KIAA1217: variants seen among roughly 807,000 people sequenced by gnomAD.
KIAA1217 encodes sickle tail protein homolog.
KIAA1217 carries 88 observed loss-of-function variants against 163.9 expected under a neutral mutation model. That is an observed-to-expected ratio of 0.54 (90% CI 0.45 to 0.64). The LOEUF (loss-of-function observed/expected upper bound fraction) is 0.64. KIAA1217 is among the 30% of genes least tolerant of loss of function. The pLI is 0.00. For missense variants in KIAA1217, 2,372 were observed against 2,475.0 expected, an observed-to-expected ratio of 0.96 and a Z score of 0.88; for synonymous variants, 903 against 923.1, an observed-to-expected ratio of 0.98 and a Z score of 0.39.
chr10:23,911,766 G>C (rs149994023), intron 1 of KIAA1217, among the ~76,000 whole-genome samples: 60 of 152,204 alleles, frequency 3.9e-4, no homozygotes, highest in African/African-American at 1.4e-3. Context: ...TAAGATGGCC[G>C]AGGACATGTG....
chr10:23,743,822 A>G (rs965794192), intron 1 of KIAA1217, among the ~76,000 whole-genome samples: 15 of 152,198 alleles, frequency 9.9e-5, no homozygotes, highest in Non-Finnish European at 4.4e-5. Context: ...CTAGTTTTCC[A>G]AAACAACTTT....
At chr10:24,058,737 C>T (rs906995627) in intron 2 of KIAA1217, among the ~76,000 whole-genome samples, 1 of 152,038 alleles carries the variant, frequency 6.6e-6, no homozygotes. Context: ...TGATTTTATA[C>T]CCTGCAGCTT....
intron 2 of KIAA1217, among the ~76,000 whole-genome samples, chr10:24,065,831 T>C (rs1054683080): frequency 2.6e-5 from 4 of 152,238 alleles, no homozygotes; most frequent in Non-Finnish European, 2.9e-5. Flanking sequence ...TGCTCCTGTA[T>C]TGGGTGCATA....
chr10:23,969,182 G>A (rs543570252), intron 1 of KIAA1217, among the ~76,000 whole-genome samples: 5 of 152,168 alleles, frequency 3.3e-5, no homozygotes, highest in South Asian at 2.1e-4. Context: ...TTACAGGCAC[G>A]CGCCACTATG....
At chr10:24,164,225 C>T (rs79235381) in intron 2 of KIAA1217, among the ~76,000 whole-genome samples, 94 of 152,250 alleles carry the variant, frequency 6.2e-4, no homozygotes, top group African/African-American at 2.1e-3. Flanking sequence ...ATTACTTGAA[C>T]GAGATGAACA....
intron 2 of KIAA1217, among the ~76,000 whole-genome samples, chr10:24,280,280 G>A (rs998264394): frequency 2.9e-4 from 44 of 152,182 alleles, no homozygotes; most frequent in African/African-American, 8.2e-4. Context: ...ATAGGGGTCC[G>A]TATTTTAAGG....
chr10:24,207,282 T>TCTCTCTCACACACA (rs529791287), upstream of KIAA1217, among the ~76,000 whole-genome samples: 143 of 140,234 alleles, frequency 1.0e-3, 1 homozygote, highest in African/African-American at 4.0e-3. Context: ...TCTCTCTCTC[T>TCTCTCTCACACACA]CACACACACA....
chr10:23,863,731 C>A (rs1478327680), intron 1 of KIAA1217, among the ~76,000 whole-genome samples: 1 of 152,106 alleles, frequency 6.6e-6, no homozygotes, highest in Non-Finnish European at 1.5e-5. Context: ...TCAGAGCCAC[C>A]CTTGATATTG....
intron 2 of KIAA1217, among the ~76,000 whole-genome samples, chr10:24,155,864 A>T (rs997245386): frequency 5.3e-5 from 8 of 151,992 alleles, no homozygotes; most frequent in African/African-American, 1.7e-4. Context: ...GTCTCTGGGG[A>T]TCATTTGGGC....
chr10:24,238,192 C>T (rs2072550952), intron 2 of KIAA1217, among the ~76,000 whole-genome samples: 1 of 152,234 alleles, frequency 6.6e-6, no homozygotes, highest in Non-Finnish European at 1.5e-5. Context: ...TTGCTCGCGG[C>T]TGCCTCCTCA....
chr10:23,877,853 G>T (rs16924015), intron 1 of KIAA1217, among the ~76,000 whole-genome samples: 10,473 of 151,986 alleles, frequency 0.069, 1,181 homozygotes, highest in African/African-American at 0.24. Context: ...TGATGCCAAC[G>T]TTCGTGACAG....
In KIAA1217 at chr10:24,545,066, A is replaced by T. The variant is rs2075579719; in HGVS notation, c.5297A>T (p.Lys1766Met). The change falls in exon 20 of 21, where the codon AAG becomes ATG. Residue 1766 changes from lysine to methionine, a missense_variant. Lys to Met is a moderately conservative substitution (Grantham distance 95). Around this residue, in one of 3 missense-constraint regions of KIAA1217, gnomAD observed 690 missense variants for 677.5 expected, o/e 1.02. Transcript: ENST00000376454. ...NRPGTLDKPGKQSKLQDPRQY... is the reference protein window; with the variant it reads ...NRPGTLDKPGMQSKLQDPRQY... ...CCCGGAACCCTGGACAAACCCGGCAAGCAGTCCAAACTGCAGGATCCCCGC... is the reference window on the plus strand; with the variant it reads ...CCCGGAACCCTGGACAAACCCGGCATGCAGTCCAAACTGCAGGATCCCCGC... The T allele has an allele frequency of 6.2e-7, 1 of 1,614,052 alleles. No individual in the cohort carries two copies. The highest frequency in any genetic ancestry group is 8.5e-7 in the Non-Finnish European group (1 of 1,180,026).
rs11298641 is a variant in KIAA1217, at chr10:24,412,178, C to CA, written c.554-20805dup. ...GAGAATATCACAAAAATGTTTGGTC[C>CA]AAAAAAAAAAAAGAGAAGAAATCTG... is the stretch of plus-strand genomic sequence containing the variant. On this transcript the variant is annotated intron_variant, in intron 3 of 20. Coordinates refer to ENST00000376454, the MANE Select transcript of KIAA1217 (RefSeq NM_019590.5). Among the ~76,000 whole-genome samples the CA allele has an allele frequency of 1.2e-3, 172 of 144,152 alleles. 1 individual carries two copies. The highest frequency in any genetic ancestry group is 6.6e-3 in the South Asian group (30 of 4,522). 94.6% of individuals were successfully genotyped at this position (144,152 alleles called of 152,430 possible).
At chr10:23,952,236 C>A (rs1002468600) in intron 1 of KIAA1217, among the ~76,000 whole-genome samples, 1 of 152,182 alleles carries the variant, frequency 6.6e-6, no homozygotes, top group Non-Finnish European at 1.5e-5. Flanking sequence ...CTTCGGGAGA[C>A]TTCATTTATC....
At chr10:24,534,789 G>A (rs150812914) in intron 16 of KIAA1217, among the ~76,000 whole-genome samples, 159 of 148,850 alleles carry the variant, frequency 1.1e-3, no homozygotes, top group African/African-American at 3.6e-3. Flanking sequence ...GCTGAGACAG[G>A]AAAATCACTT....
chr10:23,998,577 T>C (rs1472082193), intron 1 of KIAA1217, among the ~76,000 whole-genome samples: 3 of 152,274 alleles, frequency 2.0e-5, no homozygotes, highest in Admixed American at 1.3e-4. Flanking sequence ...ATAAATCTTT[T>C]GGTGTTTTCT....
At chr10:24,019,189 G>A (rs1847625005) in intron 2 of KIAA1217, among the ~76,000 whole-genome samples, 1 of 152,036 alleles carries the variant, frequency 6.6e-6, no homozygotes, top group Admixed American at 6.6e-5. Flanking sequence ...TGAAAAAGTA[G>A]ATTTTAAAAT....
intron 1 of KIAA1217, among the ~76,000 whole-genome samples, chr10:23,912,815 G>A (rs1842490764): frequency 6.6e-6 from 1 of 152,168 alleles, no homozygotes; most frequent in Admixed American, 6.6e-5. Flanking sequence ...AAAAGAATTT[G>A]AGAACCAGAG....
At chr10:24,183,315 T>C (rs1343581028) in intron 2 of KIAA1217, among the ~76,000 whole-genome samples, 1 of 152,208 alleles carries the variant, frequency 6.6e-6, no homozygotes, top group Admixed American at 6.5e-5. Context: ...ACACATTTCA[T>C]AGAACTATTC....
Sources: allele counts gnomAD v4.1 joint callset (sites outside exome capture counted in the v4.1 genomes callset), GRCh38; gene constraint gnomAD v4.1.1; regional missense constraint gnomAD v4.1.1; transcripts MANE v1.5; gene names NCBI Gene and HGNC (gene_info 2026-07-23, HGNC 2026-07-21).